GPHN: variants seen among roughly 807,000 people sequenced by gnomAD.
GPHN encodes gephyrin.
A neutral mutation model predicts 95.5 loss-of-function variants in GPHN; 17 were observed. The ratio of observed to expected loss-of-function variants is 0.18; its 90% CI spans 0.12 to 0.27. GPHN has a LOEUF of 0.27. Among genes scored for constraint, GPHN ranks in the 10% least tolerant of loss-of-function variants. GPHN has a pLI of 1.00. For synonymous variants in GPHN, 320 were observed against 322.5 expected, an observed-to-expected ratio of 0.99 and a Z score of 0.08; for missense variants, 660 against 978.1, an observed-to-expected ratio of 0.67 and a Z score of 4.34.
the GPHN span, chr14:67,571,808 T>G: frequency 6.2e-7 from 1 of 1,613,942 alleles, no homozygotes; most frequent in Non-Finnish European, 8.5e-7. Context: ...GGTCTGACGA[T>G]GACTGCAGCT....
At chr14:67,520,161 C>A in the GPHN span, among the ~76,000 whole-genome samples, 2 of 152,282 alleles carry the variant, frequency 1.3e-5, no homozygotes, top group African/African-American at 2.4e-5. Flanking sequence ...ATATTTGTTA[C>A]AACTGATGAA....
At chr14:67,663,835 C>CT in the GPHN span, among the ~76,000 whole-genome samples, 1 of 152,124 alleles carries the variant, frequency 6.6e-6, no homozygotes, top group African/African-American at 2.4e-5. Flanking sequence ...GGGTGAGGTT[C>CT]TGGTGCCAGG....
In GPHN at chr14:66,559,608, T is replaced by C. The variant is rs57665780; in HGVS notation, c.64+51017T>C. 7.9e-3 allele frequency among the ~76,000 whole-genome samples: 1,200 copies of C among 152,086 alleles called. 21 individuals carry two copies. Among genetic ancestry groups the C allele is most frequent in the African/African-American group, 0.028 (1,145 of 41,342 alleles). ...GTTGTTTGTTTTTTTCTTGTAAATT[T>C]GTTTGAGTTCATTGAAGATTCTGGA... is the stretch of plus-strand genomic sequence containing the variant. On this transcript the variant is annotated intron_variant, in intron 1 of 22. Coordinates refer to ENST00000478722, the MANE Select transcript of GPHN (RefSeq NM_020806.5).
At chr14:67,600,652 T>C in the GPHN span, among the ~76,000 whole-genome samples, 1 of 152,100 alleles carries the variant, frequency 6.6e-6, no homozygotes, top group African/African-American at 2.4e-5. Context: ...CGACGTCGGC[T>C]CACTGCAACC....
chr14:67,150,208 C>T (rs940924337), intron 18 of GPHN, among the ~76,000 whole-genome samples: 1 of 151,538 alleles, frequency 6.6e-6, no homozygotes, highest in African/African-American at 2.4e-5. Flanking sequence ...TTTGGGAGGC[C>T]GAGGCGGGCG....
At chr14:67,039,456 C>T (rs2074589453) in intron 10 of GPHN, among the ~76,000 whole-genome samples, 1 of 152,074 alleles carries the variant, frequency 6.6e-6, no homozygotes, top group Non-Finnish European at 1.5e-5. Flanking sequence ...TTTGTGTGTT[C>T]CTTGAAAGAC....
chr14:67,475,524 C>G, the GPHN span, among the ~76,000 whole-genome samples: 17,773 of 152,218 alleles, frequency 0.12, 1,267 homozygotes, highest in Non-Finnish European at 0.15. Context: ...TACAAGGGTT[C>G]CAATTTCTCC....
At chr14:66,865,156 G>GA (rs1013325790) in intron 4 of GPHN, among the ~76,000 whole-genome samples, 3 of 151,844 alleles carry the variant, frequency 2.0e-5, no homozygotes, top group African/African-American at 7.2e-5. Flanking sequence ...AAAGTAGTTA[G>GA]AAAAAAATGA....
intron 9 of GPHN, among the ~76,000 whole-genome samples, chr14:66,967,443 C>T (rs2069418934): frequency 6.6e-6 from 1 of 151,896 alleles, no homozygotes; most frequent in Admixed American, 6.6e-5. Context: ...CAAATATACT[C>T]CTTGTCTTCA....
At chr14:67,726,881 C>T in the GPHN span, 6 of 1,073,530 alleles carry the variant, frequency 5.6e-6, no homozygotes, top group African/African-American at 7.8e-5. Flanking sequence ...TGGTTCACAC[C>T]CAGAAGATAG....
At chr14:66,557,274 T>TAGATAGAC (rs1671493271) in intron 1 of GPHN, among the ~76,000 whole-genome samples, 1 of 150,256 alleles carries the variant, frequency 6.7e-6, no homozygotes, top group Non-Finnish European at 1.5e-5. Context: ...GATAGATAGA[T>TAGATAGAC]AGATAGATAG....
the GPHN span, among the ~76,000 whole-genome samples, chr14:67,378,433 T>A: frequency 6.6e-6 from 1 of 151,894 alleles, no homozygotes; most frequent in Non-Finnish European, 1.5e-5. Context: ...GCTATTATTA[T>A]CCTTTTCTTA....
At chr14:67,178,256 G>A (rs1269502123) in intron 21 of GPHN, among the ~76,000 whole-genome samples, 1 of 152,136 alleles carries the variant, frequency 6.6e-6, no homozygotes, top group Non-Finnish European at 1.5e-5. Flanking sequence ...AGGCAGGCCT[G>A]GTGATGACAA....
the GPHN span, among the ~76,000 whole-genome samples, chr14:67,688,200 G>A: frequency 6.6e-6 from 1 of 152,088 alleles, no homozygotes; most frequent in African/African-American, 2.4e-5. Context: ...GTCCCCCCAA[G>A]ACTCCCACTA....
Position 66,695,573 on chromosome 14 carries a change from A to G in GPHN, c.143+14388A>G, listed in dbSNP as rs1363782760. Among the ~76,000 whole-genome samples, 12 of 152,344 alleles carry G rather than the reference A, an allele frequency of 7.9e-5. No individual in the cohort carries two copies. In the East Asian group the frequency reaches 2.1e-3, roughly 27 times the overall value. On this transcript the variant is annotated intron_variant, in intron 2 of 22. Transcript: ENST00000478722. ...AATCTGCACATAGATTTTTATAGAA[A>G]CTTTATAAATGACAAAACTTGGAAG...
the GPHN span, among the ~76,000 whole-genome samples, chr14:67,356,442 AAAAAAC>A: frequency 2.1e-5 from 3 of 144,020 alleles, no homozygotes; most frequent in Admixed American, 7.0e-5. Flanking sequence ...AACAAAAAAA[AAAAAAC>A]AAAAACAAAC....
intron 1 of GPHN, among the ~76,000 whole-genome samples, chr14:66,599,753 A>G (rs1233105960): frequency 1.3e-5 from 2 of 151,850 alleles, no homozygotes; most frequent in African/African-American, 2.4e-5. Context: ...CTTATTCCTT[A>G]TTTTAATGAG....
At chr14:67,599,877 G>T in the GPHN span, 5 of 616,478 alleles carry the variant, frequency 8.1e-6, no homozygotes, top group African/African-American at 7.7e-5. Context: ...GCGGAATATC[G>T]TCCCCAGAAC....
At chr14:67,072,810 A>G (rs2076359818) in intron 11 of GPHN, among the ~76,000 whole-genome samples, 1 of 152,022 alleles carries the variant, frequency 6.6e-6, no homozygotes, top group African/African-American at 2.4e-5. Flanking sequence ...AAAAAATACA[A>G]ACCATTAATG....
Sources: allele counts gnomAD v4.1 joint callset (sites outside exome capture counted in the v4.1 genomes callset), GRCh38; gene constraint gnomAD v4.1.1; transcripts MANE v1.5; gene names NCBI Gene and HGNC (gene_info 2026-07-23, HGNC 2026-07-21).